JMY: variants seen among roughly 807,000 people sequenced by gnomAD.
The protein encoded by JMY is junction-mediating and -regulatory protein.
Under a neutral mutation model 103.3 loss-of-function variants are expected in JMY, and 46 were observed. The observed-to-expected ratio is 0.45, with a 90% confidence interval of 0.35 to 0.57. JMY has a LOEUF of 0.57. Among genes scored for constraint, JMY ranks in the 20% least tolerant of loss-of-function variants. The pLI is 0.00. For missense variants in JMY, 1,238 were observed against 1,255.2 expected (o/e 0.99, Z 0.21); for synonymous variants, 526 against 489.3 (o/e 1.07, Z -0.99).
chr5:79,292,049 CATT>C (rs1746437893), intron 4 of JMY, among the ~76,000 whole-genome samples: 1 of 152,056 alleles, frequency 6.6e-6, no homozygotes, highest in Non-Finnish European at 1.5e-5. Flanking sequence ...GGATTTTTAT[CATT>C]ATTTCATTTC....
At chr5:79,287,721 C>T (rs182614900) in intron 2 of JMY, among the ~76,000 whole-genome samples, 4 of 152,242 alleles carry the variant, frequency 2.6e-5, no homozygotes, top group African/African-American at 9.6e-5. Context: ...ACTGGGCATT[C>T]GAGTATTTCA....
At chr5:79,243,058 G>GT (rs933337116) in intron 1 of JMY, among the ~76,000 whole-genome samples, 3 of 152,194 alleles carry the variant, frequency 2.0e-5, no homozygotes, top group African/African-American at 7.2e-5. Flanking sequence ...GCAAGGATAG[G>GT]TTTATGTTAG....
intron 6 of JMY, among the ~76,000 whole-genome samples, chr5:79,301,538 A>G (rs1436212554): frequency 6.6e-6 from 1 of 152,192 alleles, no homozygotes; most frequent in Admixed American, 6.5e-5. Flanking sequence ...CAGAAAATCA[A>G]TACCTTTGCT....
intron 1 of JMY, among the ~76,000 whole-genome samples, chr5:79,247,929 G>C (rs1744956154): frequency 6.7e-6 from 1 of 149,990 alleles, no homozygotes; most frequent in South Asian, 2.1e-4. Flanking sequence ...GTCTCGTTCT[G>C]CTGCTCAGGC....
chr5:79,242,991 A>G (rs1744785975), intron 1 of JMY, among the ~76,000 whole-genome samples: 1 of 152,180 alleles, frequency 6.6e-6, no homozygotes, highest in Non-Finnish European at 1.5e-5. Flanking sequence ...AATTATGACA[A>G]GCATGAGGTA....
chr5:79,313,432 CA>C (rs1375212208), intron 8 of JMY, among the ~76,000 whole-genome samples: 1 of 151,328 alleles, frequency 6.6e-6, no homozygotes, highest in Non-Finnish European at 1.5e-5. Context: ...AACAAACAAA[CA>C]AACAAAAGGT....
At chr5:79,247,396 G>C (rs1052966132) in intron 1 of JMY, among the ~76,000 whole-genome samples, 3 of 151,644 alleles carry the variant, frequency 2.0e-5, no homozygotes, top group Non-Finnish European at 4.4e-5. Flanking sequence ...TCCACCTCTC[G>C]GGTTCAAGTG....
intron 1 of JMY, among the ~76,000 whole-genome samples, chr5:79,243,614 A>G (rs369998556): frequency 3.3e-5 from 5 of 152,208 alleles, no homozygotes; most frequent in Non-Finnish European, 7.3e-5. Flanking sequence ...TTGTCTAACC[A>G]TGTTATACTC....
At chr5:79,249,412 G>A (rs1426749254) in intron 1 of JMY, among the ~76,000 whole-genome samples, 1 of 152,200 alleles carries the variant, frequency 6.6e-6, no homozygotes, top group Non-Finnish European at 1.5e-5. Flanking sequence ...TGATATGCCA[G>A]CTCATAGTGA....
intron 1 of JMY, among the ~76,000 whole-genome samples, chr5:79,253,233 T>A (rs1165228506): frequency 6.6e-6 from 1 of 152,174 alleles, no homozygotes; most frequent in Non-Finnish European, 1.5e-5. Flanking sequence ...TTTGTTGTTG[T>A]TGTTGTTTCT....
chr5:79,318,755 TATATATAGAGAG>T (rs1747333735), intron 10 of JMY, among the ~76,000 whole-genome samples: 1 of 38,590 alleles, frequency 2.6e-5, no homozygotes, highest in East Asian at 5.2e-4. Context: ...TATATATATA[TATATATAGAGAG>T]AGAGAGAGAG....
chr5:79,236,860 C>T lies in JMY; in HGVS notation c.210C>T (p.Ala70=). The change falls in exon 1 of 11, where the codon GCC becomes GCT. Residue 70 remains alanine (A), a synonymous_variant. Transcript: ENST00000396137. ...CGGGGGCGCGAGGGGGCGCCGAGGC[C>T]GGCGGAGCTGCGTCCGACGGGAGCC... The part of the protein sequence containing the change: ...EQAGARGGAE[A]GGAASDGSRG... The T allele has an allele frequency of 6.9e-7, 1 of 1,445,118 alleles. No homozygotes were observed. Among genetic ancestry groups the T allele is most frequent in the Non-Finnish European group, 9.1e-7 (1 of 1,093,332 alleles). The allele number at this position is 1,445,118 out of a possible 1,614,324, so 89.5% of individuals were successfully genotyped here.
At chr5:79,289,371 G>GT (rs147612907) in intron 2 of JMY, among the ~76,000 whole-genome samples, 5,181 of 146,972 alleles carry the variant, frequency 0.035, 101 homozygotes, top group South Asian at 0.064. Flanking sequence ...CATTTTGCCT[G>GT]TTTTTTTTTT....
intron 1 of JMY, among the ~76,000 whole-genome samples, chr5:79,274,403 T>G (rs996423180): frequency 3.3e-5 from 5 of 151,802 alleles, no homozygotes; most frequent in African/African-American, 1.2e-4. Context: ...AGTGTTTTTT[T>G]TTGTTTGTTT....
At chr5:79,258,314 GTT>G (rs35099268) in intron 1 of JMY, among the ~76,000 whole-genome samples, 16 of 76,292 alleles carry the variant, frequency 2.1e-4, no homozygotes, top group East Asian at 1.4e-3. Context: ...TGTTTTTGTT[GTT>G]TTTTTTTTTT....
At chr5:79,269,701 T>G (rs1364358752) in intron 1 of JMY, among the ~76,000 whole-genome samples, 2 of 151,912 alleles carry the variant, frequency 1.3e-5, no homozygotes, top group Non-Finnish European at 2.9e-5. Context: ...ACATTTGGAA[T>G]TTTTTTTGAA....
intron 5 of JMY, 151 bp from the exon 6 acceptor site, chr5:79,300,525 T>C (rs555571298): frequency 9.9e-6 from 7 of 708,680 alleles, no homozygotes; most frequent in Non-Finnish European, 1.6e-5. Context: ...CTCTATGAGG[T>C]GTATTAAATA....
chr5:79,249,406 A>G (rs149754867), intron 1 of JMY, among the ~76,000 whole-genome samples: 2,270 of 152,304 alleles, frequency 0.015, 20 homozygotes, highest in Non-Finnish European at 0.025. Context: ...AGGAAATGAT[A>G]TGCCAGCTCA....
At chr5:79,304,194 G>T (rs1261746490) in intron 6 of JMY, among the ~76,000 whole-genome samples, 1 of 152,174 alleles carries the variant, frequency 6.6e-6, no homozygotes, top group Non-Finnish European at 1.5e-5. Context: ...AGCAACTGAG[G>T]TGGCAGAACT....
Sources: gnomAD v4.1 joint callset for allele counts (sites outside exome capture counted in the v4.1 genomes callset) on GRCh38, gnomAD v4.1.1 for gene constraint, MANE v1.5 for transcripts, NCBI Gene and HGNC (gene_info 2026-07-23, HGNC 2026-07-21) for gene names.